STPG1: variants seen among roughly 807,000 people sequenced by gnomAD.
STPG1 encodes O(6)-methylguanine-induced apoptosis 2.
In STPG1, 33 loss-of-function variants were observed where a neutral mutation model predicts 40.1. The observed-to-expected ratio is 0.82, with a 90% confidence interval of 0.62 to 1.10. The LOEUF is 1.10. Among genes scored for constraint, STPG1 ranks in the 50% least tolerant of loss-of-function variants. STPG1 has a pLI of 0.00. For missense variants in STPG1, 396 were observed against 415.1 expected (o/e 0.95, Z 0.40); for synonymous variants, 150 against 155.0 (o/e 0.97, Z 0.24).
At chr1:24,390,697 G>T (rs1405472258) in intron 3 of STPG1, among the ~76,000 whole-genome samples, 1 of 152,116 alleles carries the variant, frequency 6.6e-6, no homozygotes, top group Non-Finnish European at 1.5e-5. Flanking sequence ...GGGATTACAG[G>T]TGTGAGCCAC....
At chr1:24,397,192 A>C (rs1436545021) in intron 2 of STPG1, among the ~76,000 whole-genome samples, 1 of 152,208 alleles carries the variant, frequency 6.6e-6, no homozygotes. Context: ...AAGAAGCAGA[A>C]ACTGATAAAA....
At chr1:24,374,934 T>C (rs1274685737) in intron 5 of STPG1, among the ~76,000 whole-genome samples, 26 of 152,310 alleles carry the variant, frequency 1.7e-4, no homozygotes, top group Admixed American at 1.6e-3. Context: ...TTTTCTACTA[T>C]TTTTACTGTT....
intron 5 of STPG1, among the ~76,000 whole-genome samples, chr1:24,374,421 G>A (rs1641921863): frequency 6.6e-6 from 1 of 151,552 alleles, no homozygotes; most frequent in African/African-American, 2.4e-5. Context: ...ACCACGCCCA[G>A]CTAATTTTTT....
At chr1:24,364,196 T>G in intron 7 of STPG1, 1 of 1,509,168 alleles carries the variant, frequency 6.6e-7, no homozygotes, top group Admixed American at 2.3e-5. Flanking sequence ...GAAACTTCTC[T>G]CCTCCACCCA....
chr1:24,369,411 T>C (rs763308321), intron 7 of STPG1: 1 of 600,234 alleles, frequency 1.7e-6, no homozygotes, highest in Non-Finnish European at 3.2e-6. Flanking sequence ...TCCTCCTCTA[T>C]GGGGTAAGAG....
At chr1:24,410,194 T>C (rs1376964781) in intron 1 of STPG1, among the ~76,000 whole-genome samples, 1 of 152,240 alleles carries the variant, frequency 6.6e-6, no homozygotes, top group Non-Finnish European at 1.5e-5. Context: ...ACTGTTTCAC[T>C]GGCATCTACT....
intron 1 of STPG1, among the ~76,000 whole-genome samples, chr1:24,410,127 A>C (rs763793237): frequency 2.0e-5 from 3 of 152,180 alleles, no homozygotes; most frequent in Non-Finnish European, 4.4e-5. Context: ...TAAATTTGTG[A>C]GTGGAAGATA....
In STPG1 at chr1:24,383,919, A is replaced by C; in HGVS notation, c.274T>G (p.Cys92Gly). The change falls in exon 4 of 9, where the codon TGC becomes GGC. Residue 92 changes from cysteine (C) to glycine (G), a missense_variant. Coordinates refer to ENST00000337248, the MANE Select transcript of STPG1 (RefSeq NM_001199013.2). ...NSVSLSKKGT[C>G]MFPSMCARLD... ...GTTCTCACCATTGAGGGAAACATGCAAGTTCCTTTCTTGGACAATGAGACA... is the reference window on the plus strand; with the variant it reads ...GTTCTCACCATTGAGGGAAACATGCCAGTTCCTTTCTTGGACAATGAGACA... 1 of 1,612,680 alleles carries C rather than the reference A, an allele frequency of 6.2e-7. No individual in the cohort carries two copies. The highest frequency in any genetic ancestry group is 8.5e-7 in the Non-Finnish European group (1 of 1,178,624).
intron 2 of STPG1, among the ~76,000 whole-genome samples, chr1:24,398,921 G>C (rs1261025201): frequency 1.3e-5 from 2 of 151,976 alleles, no homozygotes; most frequent in Non-Finnish European, 2.9e-5. Context: ...TTGATTTCTA[G>C]AATCAATGCA....
chr1:24,363,098 T>C (rs1239107230), intron 7 of STPG1, among the ~76,000 whole-genome samples: 1 of 152,214 alleles, frequency 6.6e-6, no homozygotes, highest in Non-Finnish European at 1.5e-5. Flanking sequence ...ACCCCATCAC[T>C]GGTCTGGGTC....
chr1:24,392,178 T>G, intron 2 of STPG1: 2 of 662,390 alleles, frequency 3.0e-6, no homozygotes, highest in Non-Finnish European at 3.7e-6. Flanking sequence ...GTGTAAGTTT[T>G]CGTTTCTGTT....
chr1:24,398,692 T>C (rs1393325431), intron 2 of STPG1, among the ~76,000 whole-genome samples: 1 of 152,074 alleles, frequency 6.6e-6, no homozygotes. Flanking sequence ...AATTAATTTT[T>C]TTGTACAGCA....
At chr1:24,373,853 T>A in intron 5 of STPG1, 43 bp from the exon 6 acceptor site, 3 of 1,386,282 alleles carry the variant, frequency 2.2e-6, no homozygotes, top group Non-Finnish European at 3.1e-6. Context: ...TACCTTTCCT[T>A]TCTTTGTCTT....
intron 6 of STPG1, 33 bp from the exon 7 acceptor site, chr1:24,369,872 G>T: frequency 6.5e-7 from 1 of 1,548,676 alleles, no homozygotes; most frequent in South Asian, 1.2e-5. Context: ...ACAGAATAAG[G>T]AACTCTTCTC....
chr1:24,364,446 C>A, intron 7 of STPG1: 1 of 1,440,194 alleles, frequency 6.9e-7, no homozygotes, highest in South Asian at 1.6e-5. Flanking sequence ...AGTATGTGGC[C>A]CCTGAATACA....
chr1:24,391,313 T>C, intron 3 of STPG1: 1 of 310,430 alleles, frequency 3.2e-6, no homozygotes, highest in Non-Finnish European at 5.8e-6. Flanking sequence ...AAAATAGTTT[T>C]GGTCCAGTTC....
chr1:24,409,971 G>T (rs1643554578), intron 1 of STPG1, among the ~76,000 whole-genome samples: 1 of 152,190 alleles, frequency 6.6e-6, no homozygotes, highest in African/African-American at 2.4e-5. Flanking sequence ...TTCTGAGGTT[G>T]CTAAGATCTA....
intron 2 of STPG1, among the ~76,000 whole-genome samples, chr1:24,397,264 T>C (rs542449576): frequency 1.3e-5 from 2 of 152,310 alleles, no homozygotes; most frequent in Admixed American, 6.5e-5. Context: ...TCTCCCTCGA[T>C]AATTTAAACA....
intron 7 of STPG1, 133 bp downstream of exon 7, chr1:24,369,541 T>C (rs1641631169): frequency 2.2e-6 from 2 of 916,666 alleles, no homozygotes; most frequent in Admixed American, 4.4e-5. Context: ...TCATTATGTG[T>C]GACTAAGGGC....
Sources: gnomAD v4.1 joint callset for allele counts (sites outside exome capture counted in the v4.1 genomes callset) on GRCh38, gnomAD v4.1.1 for gene constraint, MANE v1.5 for transcripts, NCBI Gene and HGNC (gene_info 2026-07-23, HGNC 2026-07-21) for gene names.